Variants in CSMD1 observed in about 807,000 individuals in gnomAD.
The protein encoded by CSMD1 is CUB and Sushi multiple domains 1.
CSMD1 carries 213 observed loss-of-function variants against 417.5 expected under a neutral mutation model. That is an observed-to-expected ratio of 0.51 (90% CI 0.46 to 0.57). The LOEUF is 0.57. Ranked by LOEUF, CSMD1 falls within the 20% of genes least tolerant of loss-of-function variation. CSMD1 has a pLI of 0.00. For synonymous variants in CSMD1, 2,862 were observed against 1,736.8 expected, an observed-to-expected ratio of 1.65 and a Z score of -16.11; for missense variants, 6,923 against 4,529.7, an observed-to-expected ratio of 1.53 and a Z score of -15.17.
intron 5 of CSMD1, among the ~76,000 whole-genome samples, chr8:3,926,085 A>ACACACACACACACACACAAACAC (rs1809669732): frequency 2.3e-4 from 2 of 8,818 alleles, no homozygotes; most frequent in African/African-American, 1.5e-3. Flanking sequence ...AACACCATAC[A>ACACACACACACACACACAAACAC]CACACACACA....
chr8:3,472,061 G>C (rs1298556772), intron 11 of CSMD1, among the ~76,000 whole-genome samples: 8 of 152,002 alleles, frequency 5.3e-5, no homozygotes, highest in Admixed American at 5.2e-4. Context: ...CTCTACTGCT[G>C]TCCATCATCG....
At chr8:4,513,043 A>C (rs1207422455) in intron 2 of CSMD1, among the ~76,000 whole-genome samples, 1 of 152,198 alleles carries the variant, frequency 6.6e-6, no homozygotes, top group East Asian at 1.9e-4. Context: ...TAAACAATGA[A>C]AATTATCTGT....
intron 3 of CSMD1, among the ~76,000 whole-genome samples, chr8:4,189,326 G>A (rs1179855626): frequency 1.3e-5 from 2 of 152,118 alleles, no homozygotes; most frequent in Admixed American, 6.5e-5. Context: ...GAAGCCTGGT[G>A]CCAACTGTGT....
intron 1 of CSMD1, among the ~76,000 whole-genome samples, chr8:4,967,310 C>G (rs1484701080): frequency 6.6e-6 from 1 of 152,064 alleles, no homozygotes; most frequent in Non-Finnish European, 1.5e-5. Flanking sequence ...TTTAAGTTGT[C>G]CTTCTCTGAA....
chr8:4,144,423 T>G lies in CSMD1; in HGVS notation c.416-112324A>C, dbSNP rs180680780. ...CTGTTTTGCCAGGAAAAATCTGAAG[T>G]GAAGAATCACATTTCTCTAGTTTCA... On this transcript the variant is annotated intron_variant, in intron 3 of 69. Transcript: ENST00000635120. 4.8e-4 allele frequency among the ~76,000 whole-genome samples: 73 copies of G among 151,308 alleles called. 4 individuals carry two copies. The highest frequency in any genetic ancestry group is 2.1e-3 in the East Asian group (11 of 5,182).
intron 3 of CSMD1, among the ~76,000 whole-genome samples, chr8:4,351,851 C>A (rs932477458): frequency 6.6e-6 from 1 of 152,052 alleles, no homozygotes; most frequent in African/African-American, 2.4e-5. Flanking sequence ...TGTCCAGGAC[C>A]CTGGTCATTA....
chr8:4,346,810 G>A (rs1020298179), intron 3 of CSMD1, among the ~76,000 whole-genome samples: 6 of 152,116 alleles, frequency 3.9e-5, no homozygotes, highest in African/African-American at 7.2e-5. Flanking sequence ...ACAATGTCCC[G>A]CTGTAGAAAT....
chr8:3,931,808 G>A lies in CSMD1; in HGVS notation c.818+66095C>T, dbSNP rs1389115143. Among the ~76,000 whole-genome samples the A allele has an allele frequency of 3.4e-5, 5 of 148,106 alleles. 1 individual carries two copies. The highest frequency in any genetic ancestry group is 2.7e-4 in the Admixed American group (4 of 14,848). On this transcript the variant is annotated intron_variant, in intron 5 of 69. Transcript: ENST00000635120. ...ACTAAGGAATATTAAGTGGGCAATG[G>A]GACTTCCTATTCAAGCAGAGGACTG...
At chr8:4,919,537 G>C (rs757363471) in intron 1 of CSMD1, among the ~76,000 whole-genome samples, 6 of 152,126 alleles carry the variant, frequency 3.9e-5, no homozygotes. Flanking sequence ...ATTAGTTCCA[G>C]ATCTTTCATA....
chr8:2,970,845 T>G (rs1804398184), intron 57 of CSMD1, among the ~76,000 whole-genome samples: 1 of 152,240 alleles, frequency 6.6e-6, no homozygotes, highest in South Asian at 2.1e-4. Flanking sequence ...GAAATTGTTT[T>G]AATTTATTGG....
At chr8:3,311,318 C>T (rs550902724) in intron 23 of CSMD1, among the ~76,000 whole-genome samples, 7 of 152,120 alleles carry the variant, frequency 4.6e-5, no homozygotes, top group Non-Finnish European at 7.4e-5. Context: ...GGCATGATCT[C>T]GGCTCACTGC....
chr8:4,290,746 G>T (rs529222911), intron 3 of CSMD1, among the ~76,000 whole-genome samples: 1 of 152,134 alleles, frequency 6.6e-6, no homozygotes, highest in South Asian at 2.1e-4. Flanking sequence ...CCTATCTGTA[G>T]TTTCATTTAG....
intron 6 of CSMD1, among the ~76,000 whole-genome samples, chr8:3,710,596 C>A (rs1282351735): frequency 1.3e-5 from 2 of 152,144 alleles, no homozygotes; most frequent in East Asian, 3.9e-4. Flanking sequence ...CTCTGGTCTT[C>A]CTGTGCTTGG....
intron 27 of CSMD1, among the ~76,000 whole-genome samples, chr8:3,228,327 C>T (rs972311706): frequency 2.6e-5 from 4 of 152,228 alleles, no homozygotes; most frequent in Non-Finnish European, 5.9e-5. Context: ...AATGGGCAAG[C>T]TTCTTACAGA....
At chr8:4,143,640 G>A (rs1006979942) in intron 3 of CSMD1, among the ~76,000 whole-genome samples, 17 of 151,052 alleles carry the variant, frequency 1.1e-4, no homozygotes, top group African/African-American at 4.2e-4. Flanking sequence ...ATACCGGAAG[G>A]AGAGCATTGA....
In CSMD1 at chr8:4,431,012, A is replaced by T. The variant is rs570664678; in HGVS notation, c.303-10947T>A. Among the ~76,000 whole-genome samples, 391 of 152,252 alleles carry T rather than the reference A, an allele frequency of 2.6e-3. 9 individuals carry two copies. The Middle Eastern group carries it at 0.041, about 16-fold the overall frequency. On this transcript the variant is annotated intron_variant, in intron 2 of 69. Coordinates refer to ENST00000635120, the MANE Select transcript of CSMD1 (RefSeq NM_033225.6). ...AGTTATGCCACTTTTCTCTGGAAAG[A>T]CTTCGCATAAGACCTGTGCTTCTTC...
chr8:3,516,761 C>T (rs994379796), intron 10 of CSMD1, among the ~76,000 whole-genome samples: 3 of 152,066 alleles, frequency 2.0e-5, no homozygotes, highest in Non-Finnish European at 2.9e-5. Context: ...TACACTGCAC[C>T]TTATCTGTAG....
intron 2 of CSMD1, among the ~76,000 whole-genome samples, chr8:4,582,679 C>G (rs1050768676): frequency 6.6e-6 from 1 of 152,222 alleles, no homozygotes; most frequent in Non-Finnish European, 1.5e-5. Flanking sequence ...GTCCTCCCAG[C>G]CCTCGCTCGC....
At position 3,485,647 on chromosome 8, in the gene CSMD1, C is replaced by G. The variant is rs549926396; in HGVS notation, c.1448+7976G>C. On this transcript the variant is annotated intron_variant, in intron 11 of 69. Transcript: ENST00000635120. ...TGGTGGCGCATGCTGGTTATCCCAG[C>G]TACTCCTGAGACTGAGGCATGAGAA... 3.3e-4 allele frequency among the ~76,000 whole-genome samples: 50 copies of G among 151,566 alleles called. 1 individual carries two copies. Among genetic ancestry groups the G allele is most frequent in the Admixed American group, 7.2e-4 (11 of 15,214 alleles).
Sources: allele counts gnomAD v4.1 joint callset (sites outside exome capture counted in the v4.1 genomes callset), GRCh38; gene constraint gnomAD v4.1.1; transcripts MANE v1.5; gene names NCBI Gene and HGNC (gene_info 2026-07-23, HGNC 2026-07-21).